Variants in NDUFB5 observed in about 807,000 individuals in gnomAD.
NDUFB5 encodes the protein NADH:ubiquinone oxidoreductase subunit B5, also known as NADH dehydrogenase [ubiquinone] 1 beta subcomplex subunit 5, mitochondrial.
NDUFB5 carries 19 observed loss-of-function variants against 19.4 expected under a neutral mutation model. The ratio of observed to expected loss-of-function variants is 0.98; its 90% CI spans 0.68 to 1.43. NDUFB5 has a LOEUF of 1.43. Among genes scored for constraint, NDUFB5 ranks in the 40% most tolerant of loss-of-function variants. The pLI is 0.00. For synonymous variants in NDUFB5, 80 were observed against 82.6 expected (o/e 0.97, Z 0.17); for missense variants, 233 against 236.5 (o/e 0.99, Z 0.10).
At chr3:179,619,043 C>T (rs534098423) in intron 5 of NDUFB5, among the ~76,000 whole-genome samples, 1 of 151,480 alleles carries the variant, frequency 6.6e-6, no homozygotes, top group Admixed American at 6.6e-5. Context: ...TATATCCATC[C>T]AGTGAAATAT....
At chr3:179,618,712 G>A (rs967215551) in intron 5 of NDUFB5, among the ~76,000 whole-genome samples, 191 bp downstream of exon 5, 5 of 152,124 alleles carry the variant, frequency 3.3e-5, no homozygotes, top group African/African-American at 1.2e-4. Flanking sequence ...TTAGCCGGGC[G>A]TGGTGGTACG....
chr3:179,611,286 C>A (rs1261600766), intron 1 of NDUFB5, among the ~76,000 whole-genome samples: 1 of 152,098 alleles, frequency 6.6e-6, no homozygotes, highest in Non-Finnish European at 1.5e-5. Context: ...AATCAAGAGG[C>A]CTTGGCAAAT....
rs760495148 is a variant in NDUFB5 at position 179,615,102 on chromosome 3, CAG to C, written c.213+44_213+45del. On this transcript the variant is annotated intron_variant, in intron 2 of 5. Transcript: ENST00000259037. ...GTTGAATTAAAGTCTTTGCATGTAA[CAG>C]GGAAAAAATTTTTGCCTCTTTAGAA... 26 of 1,344,112 alleles carry C rather than the reference CAG, an allele frequency of 1.9e-5. No homozygotes were observed. The Middle Eastern group carries it at 5.7e-4, about 29-fold the overall frequency. 83.3% of individuals were successfully genotyped at this position (1,344,112 alleles called of 1,614,324 possible). A position where few individuals can be genotyped will look rare whatever the true frequency, so the allele number is the denominator to read the frequency against.
intron 1 of NDUFB5, among the ~76,000 whole-genome samples, chr3:179,608,093 C>T (rs986698796): frequency 1.3e-5 from 2 of 152,090 alleles, no homozygotes; most frequent in African/African-American, 4.8e-5. Flanking sequence ...CCCTGGCTTC[C>T]CGTGTTCTCA....
At position 179,624,086 on chromosome 3, in the gene NDUFB5, T is replaced by C. The variant is rs958565910; in HGVS notation, c.*46T>C. The C allele has an allele frequency of 4.5e-5, 67 of 1,502,740 alleles. No individual in the cohort carries two copies. Among genetic ancestry groups the C allele is most frequent in the Non-Finnish European group, 5.7e-5 (63 of 1,104,628 alleles). The allele number at this position is 1,502,740 out of a possible 1,614,324, so 93.1% of individuals were successfully genotyped here. A position where few individuals can be genotyped will look rare whatever the true frequency, so the allele number is the denominator to read the frequency against. On this transcript the variant is annotated 3_prime_UTR_variant, in exon 6 of 6. Transcript: ENST00000259037. ...AAAGTATATTCTCTTTATTGGAAAA[T>C]AAATTAATAAATATATTCTGTATTT...
At chr3:179,611,436 G>A (rs1355438457) in intron 1 of NDUFB5, among the ~76,000 whole-genome samples, 3 of 150,752 alleles carry the variant, frequency 2.0e-5, no homozygotes, top group African/African-American at 7.3e-5. Context: ...TTCTTGAGAC[G>A]GAGTCTCGCT....
At chr3:179,618,722 G>A (rs1379000596) in intron 5 of NDUFB5, among the ~76,000 whole-genome samples, 3 of 152,048 alleles carry the variant, frequency 2.0e-5, no homozygotes, top group African/African-American at 2.4e-5. Flanking sequence ...GTGGTGGTAC[G>A]TGCCTGTAAT....
Position 179,625,635 on chromosome 3 carries a change from C to A in NDUFB5, c.*1595C>A, listed in dbSNP as rs1198250357. 6.6e-6 allele frequency: 1 copy of A among 150,990 alleles called. No individual in the cohort carries two copies. Among genetic ancestry groups the A allele is most frequent in the Non-Finnish European group, 1.5e-5 (1 of 67,920 alleles). The allele number at this position is 150,990 out of a possible 1,614,324, so 9.4% of individuals were successfully genotyped here. ...AATTTACCTACTGTACTATCAAATA[C>A]TAGAACTTATTCCTTGTATCTAAAT... On this transcript the variant is annotated 3_prime_UTR_variant, in exon 6 of 6. Transcript: ENST00000259037.
intron 5 of NDUFB5, among the ~76,000 whole-genome samples, chr3:179,619,324 A>G (rs547543925): frequency 8.0e-4 from 121 of 151,084 alleles, no homozygotes; most frequent in African/African-American, 2.9e-3. Flanking sequence ...AACATTAGGT[A>G]TATCTCCTAA....
intron 1 of NDUFB5, among the ~76,000 whole-genome samples, chr3:179,607,088 TTC>T (rs1338040785): frequency 6.6e-6 from 1 of 152,206 alleles, no homozygotes; most frequent in Non-Finnish European, 1.5e-5. Context: ...CACCCCCAGT[TTC>T]TCTTTCCACA....
intron 5 of NDUFB5, among the ~76,000 whole-genome samples, chr3:179,622,069 G>A (rs1321431415): frequency 1.3e-5 from 2 of 152,188 alleles, no homozygotes; most frequent in Admixed American, 6.5e-5. Flanking sequence ...CTGGGCTTAA[G>A]CAGTCCTCCA....
chr3:179,619,032 G>C, intron 5 of NDUFB5, among the ~76,000 whole-genome samples: 1 of 150,918 alleles, frequency 6.6e-6, no homozygotes, highest in Non-Finnish European at 1.5e-5. Context: ...AGATGGATGG[G>C]TATATCCATC....
In NDUFB5 at chr3:179,624,572, T is replaced by TACACACACGCACAC. The variant is rs1553782472; in HGVS notation, c.*540_*541insGCACACACACACAC. 7.8e-6 allele frequency: 1 copy of TACACACACGCACAC among 128,390 alleles called. No homozygotes were observed. Among genetic ancestry groups the TACACACACGCACAC allele is most frequent in the Non-Finnish European group, 1.6e-5 (1 of 63,348 alleles). The allele number at this position is 128,390 out of a possible 1,614,324, so 8.0% of individuals were successfully genotyped here. A position where few individuals can be genotyped will look rare whatever the true frequency, so the allele number is the denominator to read the frequency against. ...AACTACACACAGACACACAGACACG[T>TACACACACGCACAC]ACACACACACACACACACACACACA... On this transcript the variant is annotated 3_prime_UTR_variant, in exon 6 of 6. Transcript: ENST00000259037.
rs775219907 is a variant in NDUFB5 at position 179,623,994 on chromosome 3, A to G, written c.524A>G (p.Asp175Gly). 14 of 1,613,902 alleles carry G rather than the reference A, an allele frequency of 8.7e-6. No individual in the cohort carries two copies. Among genetic ancestry groups the G allele is most frequent in the Non-Finnish European group, 1.1e-5 (13 of 1,179,946 alleles). The change falls in exon 6 of 6, where the codon GAC becomes GGC. Residue 175 changes from aspartate (D) to glycine (G), a missense_variant. Physicochemically the swap from Asp to Gly is moderately conservative, Grantham distance 94. Transcript: ENST00000259037. The stretch of plus-strand genomic sequence containing the variant: ...CCCTGGTATTACTATGAGACAATTG[A>G]CAAGGAACTTATTGATCATTCTCCG... The part of the protein sequence containing the change: ...DGPWYYYETI[D>G]KELIDHSPKA...
intron 1 of NDUFB5, among the ~76,000 whole-genome samples, chr3:179,613,339 AC>A (rs1327718288): frequency 6.6e-6 from 1 of 150,596 alleles, no homozygotes; most frequent in South Asian, 2.1e-4. Context: ...CCTCTTCCCA[AC>A]CCCCCCATCT....
chr3:179,615,952 G>A (rs1270922075), intron 2 of NDUFB5, 31 bp from the exon 3 acceptor site: 1 of 1,519,750 alleles, frequency 6.6e-7, no homozygotes, highest in Admixed American at 1.7e-5. Flanking sequence ...TTACGAAATG[G>A]TCATGAGAAA....
At chr3:179,615,628 C>G (rs775395636) in intron 2 of NDUFB5, 1 of 478,734 alleles carries the variant, frequency 2.1e-6, no homozygotes, top group South Asian at 1.5e-5. Flanking sequence ...AGATAAAGCT[C>G]TGAATCATCA....
In NDUFB5 at chr3:179,609,764, G is replaced by A. The variant is rs988836906; in HGVS notation, c.124+4825G>A. 3.1e-4 allele frequency among the ~76,000 whole-genome samples: 47 copies of A among 152,080 alleles called. 1 individual carries two copies. Among genetic ancestry groups the A allele is most frequent in the Non-Finnish European group, 7.4e-5 (5 of 67,998 alleles). On this transcript the variant is annotated intron_variant, in intron 1 of 5. Transcript: ENST00000259037. ...TTCCTCCATATTGTCACTGACACTT[G>A]TTATTTTCTGGTTTTTTGATTGTAG...
chr3:179,617,022 C>G lies in NDUFB5; in HGVS notation c.320C>G (p.Pro107Arg), dbSNP rs1464526445. 6.2e-7 allele frequency: 1 copy of G among 1,612,292 alleles called. No homozygotes were observed. The highest frequency in any genetic ancestry group is 2.2e-5 in the East Asian group (1 of 44,844). ...ELAEIPEGYV[P>R]EHWEYYKHPI... is the part of the protein sequence containing the mutation. ...GCAGAAATTCCAGAAGGCTATGTCC[C>G]AGAACACTGGGAATATTATAAGGTT... Residue 107 changes from proline (P) to arginine (R), a missense_variant, in exon 4 of 6, where the codon CCA (proline) becomes CGA (arginine). Pro to Arg is a moderately radical substitution (Grantham distance 103). Transcript: ENST00000259037.
Sources: gnomAD v4.1 joint callset for allele counts (sites outside exome capture counted in the v4.1 genomes callset) on GRCh38, gnomAD v4.1.1 for gene constraint, MANE v1.5 for transcripts, NCBI Gene and HGNC (gene_info 2026-07-23, HGNC 2026-07-21) for gene names.